PIEZO2: variants seen among roughly 807,000 people sequenced by gnomAD.
PIEZO2 encodes piezo-type mechanosensitive ion channel component 2.
Under a neutral mutation model 337.3 loss-of-function variants are expected in PIEZO2, and 172 were observed. The observed-to-expected ratio is 0.51, with a 90% CI of 0.45 to 0.58. The LOEUF (loss-of-function observed/expected upper bound fraction) is 0.58. Among genes scored for constraint, PIEZO2 ranks in the 20% least tolerant of loss-of-function variants. The pLI, the probability that PIEZO2 is intolerant of heterozygous loss-of-function variation, is 0.00. For synonymous variants in PIEZO2, 1,251 were observed against 1,228.5 expected, an observed-to-expected ratio of 1.02 and a Z score of -0.38; for missense variants, 3,028 against 3,391.3, an observed-to-expected ratio of 0.89 and a Z score of 2.66.
At chr18:10,782,528 A>T (rs11080457) in intron 17 of PIEZO2, among the ~76,000 whole-genome samples, 18 of 134,632 alleles carry the variant, frequency 1.3e-4, no homozygotes, top group East Asian at 4.0e-4. Context: ...TATATTATAT[A>T]ATATATATTA....
In PIEZO2 at chr18:10,828,118, T is replaced by TA; in HGVS notation, c.918-20845_918-20844insT. On this transcript the variant is annotated intron_variant, in intron 7 of 55. Transcript: ENST00000674853. This position sits in a 1 kb window ranked among gnomAD's most constrained non-coding sequence, Gnocchi z 4.1. ...GACAAGCTCGAAATAGCATGACGGTTTTTTTTTGTTTGTTTGTTTTTGTTT... is the reference window on the plus strand; with the variant it reads ...GACAAGCTCGAAATAGCATGACGGTTATTTTTTTGTTTGTTTGTTTTTGTTT... Among the ~76,000 whole-genome samples, 1 of 125,606 alleles carries TA rather than the reference T, an allele frequency of 8.0e-6. No individual in the cohort carries two copies. Among genetic ancestry groups the TA allele is most frequent in the East Asian group, 2.3e-4 (1 of 4,278 alleles). 82.4% of individuals were successfully genotyped at this position (125,606 alleles called of 152,430 possible). A position where few individuals can be genotyped will look rare whatever the true frequency, so the allele number is the denominator to read the frequency against.
intron 1 of PIEZO2, among the ~76,000 whole-genome samples, chr18:11,072,503 T>C (rs1318706410): frequency 1.3e-5 from 2 of 152,230 alleles, no homozygotes; most frequent in African/African-American, 4.8e-5. Flanking sequence ...CACATGATTG[T>C]ACCATCTTAA....
rs2039157752 is a variant in PIEZO2, at chr18:10,784,767, T to C, written c.2492+17A>G. The stretch of plus-strand genomic sequence containing the variant: ...CTTCCTGCTAATAAGAGGTCTGTGT[T>C]TCTTCCAGTGGCTCACCTGTAGATG... On this transcript the variant is annotated intron_variant, in intron 17 of 55. Coordinates refer to ENST00000674853, the MANE Select transcript of PIEZO2 (RefSeq NM_001378183.1). The surrounding 1 kb of genome is among the most constrained non-coding windows in gnomAD (Gnocchi z 4.5). 6.6e-7 allele frequency: 1 copy of C among 1,520,900 alleles called. No individual in the cohort carries two copies. Among genetic ancestry groups the C allele is most frequent in the Non-Finnish European group, 8.8e-7 (1 of 1,136,924 alleles). The allele number at this position is 1,520,900 out of a possible 1,614,324, so 94.2% of individuals were successfully genotyped here.
chr18:10,832,459 C>T (rs556729990), intron 7 of PIEZO2, among the ~76,000 whole-genome samples: 28 of 152,192 alleles, frequency 1.8e-4, no homozygotes, highest in African/African-American at 5.5e-4. Context: ...TATGCTAATA[C>T]GAGAAACAAA....
rs2031961846 is a variant in PIEZO2, at chr18:10,929,630, TCAGGA to T, written c.287-18407_287-18403del. Among the ~76,000 whole-genome samples, 1 of 152,192 alleles carries T rather than the reference TCAGGA, an allele frequency of 6.6e-6. No homozygotes were observed. Among genetic ancestry groups the T allele is most frequent in the Non-Finnish European group, 1.5e-5 (1 of 68,042 alleles). Reference sequence around the variant, plus strand: ...AATGCCTCTACCAACCTCTCGGGTCTCAGGACAGATCCCGCTATCCTCTCCCATAA... The same window carrying T: ...AATGCCTCTACCAACCTCTCGGGTCTCAGATCCCGCTATCCTCTCCCATAA... On this transcript the variant is annotated intron_variant, in intron 3 of 55. Transcript: ENST00000674853. This position sits in a 1 kb window ranked among gnomAD's most constrained non-coding sequence, Gnocchi z 5.6.
intron 2 of PIEZO2, among the ~76,000 whole-genome samples, chr18:10,998,413 G>A (rs2035409678): frequency 6.6e-6 from 1 of 151,520 alleles, no homozygotes; most frequent in Non-Finnish European, 1.5e-5. Flanking sequence ...GTTAATTCAT[G>A]GAATTTCTAG....
Position 10,969,720 on chromosome 18 carries a change from T to C in PIEZO2, c.286+9815A>G, listed in dbSNP as rs264245. On this transcript the variant is annotated intron_variant, in intron 3 of 55. Coordinates refer to ENST00000674853, the MANE Select transcript of PIEZO2 (RefSeq NM_001378183.1). The surrounding 1 kb of genome is among the most constrained non-coding windows in gnomAD (Gnocchi z 4.5). ...AATGGGAACAACTATCTGAGCAGGA[T>C]TTGGGGTATGCACCTGTAGGAGAGG... 0.5 allele frequency among the ~76,000 whole-genome samples: 75,189 copies of C among 151,678 alleles called. 18,802 individuals carry two copies. The highest frequency in any genetic ancestry group is 0.53 in the Middle Eastern group (155 of 294).
At chr18:10,909,394 T>C (rs1370681120) in intron 4 of PIEZO2, among the ~76,000 whole-genome samples, 4 of 151,842 alleles carry the variant, frequency 2.6e-5, no homozygotes. Flanking sequence ...GATAATGAGA[T>C]GGAATGTCTG....
rs1277632077 is a variant in PIEZO2 at position 11,027,667 on chromosome 18, G to A, written c.160+38460C>T. 2.6e-5 allele frequency among the ~76,000 whole-genome samples: 4 copies of A among 152,090 alleles called. No individual in the cohort carries two copies. Among genetic ancestry groups the A allele is most frequent in the African/African-American group, 9.7e-5 (4 of 41,414 alleles). ...CAAATGGGAGTTCGGTGGGGTTTAA[G>A]TTCCATTTGGGGTTGTCTTTCACAA... On this transcript the variant is annotated intron_variant, in intron 2 of 55. Coordinates refer to ENST00000674853, the MANE Select transcript of PIEZO2 (RefSeq NM_001378183.1). This position sits in a 1 kb window ranked among gnomAD's most constrained non-coding sequence, Gnocchi z 4.2.
intron 36 of PIEZO2, among the ~76,000 whole-genome samples, chr18:10,722,835 T>G (rs1310954391): frequency 1.3e-5 from 2 of 152,034 alleles, no homozygotes; most frequent in East Asian, 3.9e-4. Context: ...AGACAAGTCC[T>G]GGAATATTAC....
At chr18:11,091,409 AAAAAGAAAGG>A (rs1206874503) in intron 1 of PIEZO2, among the ~76,000 whole-genome samples, 3 of 151,964 alleles carry the variant, frequency 2.0e-5, no homozygotes, top group African/African-American at 7.2e-5. Flanking sequence ...AGAAAAAAAG[AAAAAGAAAGG>A]AAAAGAAAAG....
chr18:10,744,366 C>G, intron 30 of PIEZO2, 135 bp from the exon 31 acceptor site: 4 of 619,474 alleles, frequency 6.5e-6, no homozygotes, highest in Non-Finnish European at 1.1e-5. Flanking sequence ...TGGCTGGGAG[C>G]AGGAGTCAAC....
chr18:10,812,618 C>A (rs1366126176), intron 7 of PIEZO2, among the ~76,000 whole-genome samples: 3 of 152,110 alleles, frequency 2.0e-5, no homozygotes, highest in Non-Finnish European at 4.4e-5. Context: ...ATGAGTCTTC[C>A]CCCTGAGGTC....
At chr18:10,975,355 T>C (rs1321325542) in intron 3 of PIEZO2, among the ~76,000 whole-genome samples, 1 of 152,108 alleles carries the variant, frequency 6.6e-6, no homozygotes, top group Non-Finnish European at 1.5e-5. Flanking sequence ...AGTAGCATAG[T>C]TTTGGTGGAA....
At chr18:11,006,262 T>C (rs2035716664) in intron 2 of PIEZO2, among the ~76,000 whole-genome samples, 1 of 152,266 alleles carries the variant, frequency 6.6e-6, no homozygotes, top group Admixed American at 6.5e-5. Context: ...GCAAGGATTC[T>C]GTTTGTCTTG....
chr18:11,046,564 A>G (rs2037324767), intron 2 of PIEZO2, among the ~76,000 whole-genome samples: 1 of 152,250 alleles, frequency 6.6e-6, no homozygotes, highest in South Asian at 2.1e-4. Context: ...ACGCGTCCAC[A>G]CAGCTACCTG....
In PIEZO2 at chr18:10,871,388, C is replaced by G; in HGVS notation, c.357G>C (p.Gly119=). 2 of 1,537,104 alleles carry G rather than the reference C, an allele frequency of 1.3e-6. No homozygotes were observed. Among genetic ancestry groups the G allele is most frequent in the Non-Finnish European group, 1.7e-6 (2 of 1,146,800 alleles). Residue 119 remains glycine (G), a synonymous_variant, in exon 5 of 56, where the codon GGG becomes GGC. Coordinates refer to ENST00000674853, the MANE Select transcript of PIEZO2 (RefSeq NM_001378183.1). ...ESLKGADAGN[G]IRVFVPDIGM... is the part of the protein sequence containing the mutation. ...CGATGTCAGGTACAAACACTCTGATCCCATTGCCAGCATCAGCTCCCTTTA... is the reference window on the plus strand; with the variant it reads ...CGATGTCAGGTACAAACACTCTGATGCCATTGCCAGCATCAGCTCCCTTTA...
chr18:11,116,529 C>T lies in PIEZO2; in HGVS notation c.64+31996G>A, dbSNP rs570786020. Reference sequence around the variant, plus strand: ...GAGACAGAGACCATCCTGGCTAACACGGTGAAACCCCGTCTCTACTAAAAA... The same window carrying T: ...GAGACAGAGACCATCCTGGCTAACATGGTGAAACCCCGTCTCTACTAAAAA... On this transcript the variant is annotated intron_variant, in intron 1 of 55. Coordinates refer to ENST00000674853, the MANE Select transcript of PIEZO2 (RefSeq NM_001378183.1). This position sits in a 1 kb window ranked among gnomAD's most constrained non-coding sequence, Gnocchi z 5.0. Among the ~76,000 whole-genome samples, 1 of 151,626 alleles carries T rather than the reference C, an allele frequency of 6.6e-6. No homozygotes were observed. The highest frequency in any genetic ancestry group is 2.1e-4 in the South Asian group (1 of 4,786).
chr18:10,986,596 A>G (rs2034880785), intron 2 of PIEZO2, among the ~76,000 whole-genome samples: 2 of 151,994 alleles, frequency 1.3e-5, no homozygotes, highest in Admixed American at 6.6e-5. Flanking sequence ...AAAACCATAT[A>G]TTATAATACC....
Sources: allele counts gnomAD v4.1 joint callset (sites outside exome capture counted in the v4.1 genomes callset), GRCh38; gene constraint gnomAD v4.1.1; non-coding constraint Gnocchi (gnomAD v3.1); transcripts MANE v1.5; gene names NCBI Gene and HGNC (gene_info 2026-07-23, HGNC 2026-07-21).